Variants in PAN3 observed in about 807,000 individuals in gnomAD.
PAN3 encodes the protein poly(A) specific ribonuclease subunit PAN3, also known as PAN2-PAN3 deadenylation complex subunit PAN3.
In PAN3, 19 loss-of-function variants were observed where a neutral mutation model predicts 96.2. The ratio of observed to expected loss-of-function variants is 0.20; its 90% CI spans 0.14 to 0.29. The LOEUF (loss-of-function observed/expected upper bound fraction) is 0.29. Ranked by LOEUF, PAN3 falls within the 10% of genes least tolerant of loss-of-function variation. The pLI is 1.00. For synonymous variants in PAN3, 433 were observed against 406.6 expected (o/e 1.06, Z -0.78); for missense variants, 882 against 1,108.1 (o/e 0.80, Z 2.90).
chr13:28,171,477 C>T (rs1406773371), intron 1 of PAN3, among the ~76,000 whole-genome samples: 8 of 152,312 alleles, frequency 5.3e-5, no homozygotes, highest in African/African-American at 9.6e-5. Flanking sequence ...TGACATGTAG[C>T]GGGTCCTCAG....
intron 3 of PAN3, among the ~76,000 whole-genome samples, 156 bp downstream of exon 3, chr13:28,176,715 T>A (rs536212717): frequency 2.6e-4 from 40 of 152,120 alleles, no homozygotes; most frequent in Non-Finnish European, 5.0e-4. Context: ...CTATTGAGAT[T>A]TAGATTCCAG....
intron 6 of PAN3, among the ~76,000 whole-genome samples, chr13:28,242,063 AAC>A (rs1883715862): frequency 2.0e-5 from 3 of 152,338 alleles, no homozygotes; most frequent in African/African-American, 4.8e-5. Context: ...TAGAAAAAGT[AAC>A]ACATACTAGA....
At chr13:28,139,551 T>TGTGTGTGTGTGG (rs60579592) in intron 1 of PAN3, among the ~76,000 whole-genome samples, 5 of 87,000 alleles carry the variant, frequency 5.7e-5, no homozygotes, top group East Asian at 2.9e-4. Context: ...TGTGTGTGTG[T>TGTGTGTGTGTGG]AGGGGGCGGG....
chr13:28,193,614 A>C (rs140004015), intron 4 of PAN3, among the ~76,000 whole-genome samples: 304 of 151,716 alleles, frequency 2.0e-3, no homozygotes, highest in African/African-American at 7.0e-3. Flanking sequence ...GTGGTGGTAC[A>C]CACCTGTAGT....
Position 28,261,368 on chromosome 13 carries a change from T to C in PAN3, c.1354-33T>C, listed in dbSNP as rs78604372. The C allele has an allele frequency of 3.0e-5, 42 of 1,416,808 alleles. No homozygotes were observed. The East Asian group carries it at 9.7e-4, about 33-fold the overall frequency. The allele number at this position is 1,416,808 out of a possible 1,614,324, so 87.8% of individuals were successfully genotyped here. A position where few individuals can be genotyped will look rare whatever the true frequency, so the allele number is the denominator to read the frequency against. Reference sequence around the variant, plus strand: ...GGAATTCCAGGTTTCAGAATCTGTGTTTAAATAAAAATATACTTATTTTGT... The same window carrying C: ...GGAATTCCAGGTTTCAGAATCTGTGCTTAAATAAAAATATACTTATTTTGT... On this transcript the variant is annotated intron_variant, in intron 8 of 18. Coordinates refer to ENST00000380958, the MANE Select transcript of PAN3 (RefSeq NM_175854.8).
intron 7 of PAN3, 148 bp downstream of exon 7, chr13:28,256,687 T>TCA: frequency 1.2e-6 from 1 of 836,466 alleles, no homozygotes; most frequent in Non-Finnish European, 1.8e-6. Context: ...TAGTCTCTTC[T>TCA]TCTCAACTCT....
Position 28,183,437 on chromosome 13 carries a change from C to G in PAN3, c.690+5502C>G, listed in dbSNP as rs1593426670. Among the ~76,000 whole-genome samples, 3 of 152,284 alleles carry G rather than the reference C, an allele frequency of 2.0e-5. No homozygotes were observed. In the East Asian group the frequency reaches 5.8e-4, roughly 29 times the overall value. On this transcript the variant is annotated intron_variant, in intron 4 of 18. Transcript: ENST00000380958. ...GCTCTGAAATCACTAAACATTCATT[C>G]ACCTCCGCTTGTCAAGATGGAGGAG... is the stretch of plus-strand genomic sequence containing the variant.
chr13:28,138,924 T>G lies in PAN3; in HGVS notation c.267T>G (p.Ala89=), dbSNP rs1481654587. The G allele has an allele frequency of 2.2e-6, 3 of 1,363,680 alleles. No homozygotes were observed. The highest frequency in any genetic ancestry group is 3.0e-5 in the African/African-American group (2 of 66,248). 84.5% of individuals were successfully genotyped at this position (1,363,680 alleles called of 1,614,324 possible). A position where few individuals can be genotyped will look rare whatever the true frequency, so the allele number is the denominator to read the frequency against. The change falls in exon 1 of 19, where the codon GCT becomes GCG. Residue 89 remains alanine (A), a synonymous_variant. Transcript: ENST00000380958. The part of the protein sequence containing the change: ...LGLHSNSVPL[A]LAGAPVAGFP... ...TCCATAGCAACAGCGTCCCCCTGGC[T>G]CTGGCTGGTGCACCCGTGGCCGGCT...
intron 1 of PAN3, among the ~76,000 whole-genome samples, chr13:28,169,206 A>AT (rs201186587): frequency 0.011 from 994 of 88,900 alleles, 27 homozygotes; most frequent in Admixed American, 0.077. Flanking sequence ...GCATTTTCTC[A>AT]TTTTTTTTTT....
intron 1 of PAN3, among the ~76,000 whole-genome samples, chr13:28,150,314 A>G (rs1396931350): frequency 2.0e-5 from 3 of 152,174 alleles, no homozygotes; most frequent in African/African-American, 7.2e-5. Context: ...GTCCTCAGAT[A>G]TGATATATAT....
chr13:28,281,466 A>G lies in PAN3; in HGVS notation c.2384+87A>G, dbSNP rs17086473. The G allele has an allele frequency of 4.8e-3, 5,741 of 1,204,810 alleles. 183 individuals carry two copies. The African/African-American group carries it at 0.068, about 14-fold the overall frequency. 74.6% of individuals were successfully genotyped at this position (1,204,810 alleles called of 1,614,324 possible). A position where few individuals can be genotyped will look rare whatever the true frequency, so the allele number is the denominator to read the frequency against. The stretch of plus-strand genomic sequence containing the variant: ...AATAAGTATGCCTGGCTTTATTTGG[A>G]AAAAGAGAAAAATTCTCATGTGAAG... On this transcript the variant is annotated intron_variant, in intron 17 of 18. Coordinates refer to ENST00000380958, the MANE Select transcript of PAN3 (RefSeq NM_175854.8).
chr13:28,179,005 A>G (rs180725459), intron 4 of PAN3, among the ~76,000 whole-genome samples: 3 of 152,348 alleles, frequency 2.0e-5, no homozygotes, highest in East Asian at 3.9e-4. Context: ...GAAGACTGAT[A>G]TAAATTATGT....
At chr13:28,231,638 T>G (rs1882568148) in intron 6 of PAN3, among the ~76,000 whole-genome samples, 1 of 152,150 alleles carries the variant, frequency 6.6e-6, no homozygotes, top group Non-Finnish European at 1.5e-5. Context: ...AGATGGAAAT[T>G]AAGTTGCAAT....
At chr13:28,154,181 C>T (rs910940554) in intron 1 of PAN3, among the ~76,000 whole-genome samples, 3 of 152,208 alleles carry the variant, frequency 2.0e-5, no homozygotes, top group African/African-American at 4.8e-5. Flanking sequence ...GGTATTGCAG[C>T]ACTCCCCAGA....
intron 6 of PAN3, among the ~76,000 whole-genome samples, chr13:28,237,195 ATT>A (rs5802467): frequency 0.059 from 8,848 of 150,604 alleles, 333 homozygotes; most frequent in South Asian, 0.15. Flanking sequence ...AGGTAGACAG[ATT>A]TTTTTTTTTT....
At chr13:28,187,360 T>G (rs1023544156) in intron 4 of PAN3, among the ~76,000 whole-genome samples, 3 of 152,110 alleles carry the variant, frequency 2.0e-5, no homozygotes, top group Non-Finnish European at 4.4e-5. Flanking sequence ...ACTCAAAATA[T>G]TTTATTAACT....
intron 1 of PAN3, among the ~76,000 whole-genome samples, chr13:28,162,659 G>A (rs1167281920): frequency 6.7e-6 from 1 of 148,592 alleles, no homozygotes; most frequent in Non-Finnish European, 1.5e-5. Context: ...AAAAAAAAAA[G>A]CATTTAATTG....
chr13:28,292,258 C>CA, intron 18 of PAN3, 124 bp from the exon 19 acceptor site: 1 of 963,906 alleles, frequency 1.0e-6, no homozygotes, highest in Admixed American at 3.1e-5. Flanking sequence ...TAAATGTACT[C>CA]ATGGATATCT....
chr13:28,155,496 G>C (rs1872020594), intron 1 of PAN3, among the ~76,000 whole-genome samples: 1 of 152,126 alleles, frequency 6.6e-6, no homozygotes, highest in African/African-American at 2.4e-5. Flanking sequence ...GGCTGAGGAA[G>C]GAGATTTGCA....
Sources: allele counts gnomAD v4.1 joint callset (sites outside exome capture counted in the v4.1 genomes callset), GRCh38; gene constraint gnomAD v4.1.1; transcripts MANE v1.5; gene names NCBI Gene and HGNC (gene_info 2026-07-23, HGNC 2026-07-21).